EEFSEC: variants seen among roughly 807,000 people sequenced by gnomAD.
The protein encoded by EEFSEC is selenocysteine-specific elongation factor.
A neutral mutation model predicts 42.1 loss-of-function variants in EEFSEC; 43 were observed. The ratio of observed to expected loss-of-function variants is 1.02; its 90% CI spans 0.80 to 1.32. The LOEUF (loss-of-function observed/expected upper bound fraction) is 1.32, where lower values mean the gene tolerates loss of function less well. Ranked by LOEUF, EEFSEC falls within the 40% of genes most tolerant of loss-of-function variation. EEFSEC has a pLI of 0.00. For missense variants in EEFSEC, 745 were observed against 803.6 expected, an observed-to-expected ratio of 0.93 and a Z score of 0.88; for synonymous variants, 354 against 339.1, an observed-to-expected ratio of 1.04 and a Z score of -0.48.
At chr3:128,284,670 G>A (rs1020890276) in intron 4 of EEFSEC, among the ~76,000 whole-genome samples, 1 of 152,164 alleles carries the variant, frequency 6.6e-6, no homozygotes, top group Non-Finnish European at 1.5e-5. Context: ...CAAAGGGAAG[G>A]GTACAAAATC....
chr3:128,378,094 A>G (rs1313806923), intron 6 of EEFSEC, among the ~76,000 whole-genome samples: 2 of 152,212 alleles, frequency 1.3e-5, no homozygotes. Context: ...TCAGCCTCCT[A>G]CACTGGGGAC....
At chr3:128,376,221 C>T (rs2067708070) in intron 6 of EEFSEC, among the ~76,000 whole-genome samples, 1 of 152,204 alleles carries the variant, frequency 6.6e-6, no homozygotes. Context: ...CCTCTTGGCA[C>T]CAAGGATGCA....
chr3:128,158,264 G>C (rs1475989382), intron 1 of EEFSEC, among the ~76,000 whole-genome samples: 1 of 152,212 alleles, frequency 6.6e-6, no homozygotes, highest in African/African-American at 2.4e-5. Flanking sequence ...TACTCCTGGT[G>C]AAGATGCTGT....
chr3:128,293,779 T>TGG (rs1333480870), intron 4 of EEFSEC, among the ~76,000 whole-genome samples: 2 of 152,204 alleles, frequency 1.3e-5, no homozygotes, highest in Non-Finnish European at 2.9e-5. Flanking sequence ...CTTGTGACCT[T>TGG]GGGTGAATGA....
chr3:128,415,123 G>A, the EEFSEC span, among the ~76,000 whole-genome samples: 1 of 152,098 alleles, frequency 6.6e-6, no homozygotes, highest in African/African-American at 2.4e-5. Context: ...GGGGAATTTG[G>A]CTTGGAAAGC....
At position 128,408,483 on chromosome 3, in the gene EEFSEC, A is replaced by G; in HGVS notation, c.*224A>G. ...CAGCCCCTGCACACTCCCACCCAGG[A>G]CAGCCCCCAGCCCAACTAGGAAAGG... is the stretch of plus-strand genomic sequence containing the variant. On this transcript the variant is annotated 3_prime_UTR_variant, in exon 7 of 7. Transcript: ENST00000254730. The G allele has an allele frequency of 2.3e-6, 1 of 428,200 alleles. No individual in the cohort carries two copies. Among genetic ancestry groups the G allele is most frequent in the Non-Finnish European group, 4.1e-6 (1 of 246,082 alleles). 26.5% of individuals were successfully genotyped at this position (428,200 alleles called of 1,614,324 possible).
the EEFSEC span, among the ~76,000 whole-genome samples, chr3:128,423,182 G>A: frequency 6.6e-6 from 1 of 152,186 alleles, no homozygotes; most frequent in South Asian, 2.1e-4. Flanking sequence ...AACAGCTTGG[G>A]TGTTTCTTTA....
At chr3:128,412,249 C>T (rs2068179094), downstream of EEFSEC, among the ~76,000 whole-genome samples, 1 of 152,194 alleles carries the variant, frequency 6.6e-6, no homozygotes, top group Non-Finnish European at 1.5e-5. Flanking sequence ...CTCTATTCTA[C>T]AGGAAGCATA....
At chr3:128,211,434 T>C (rs760369125) in intron 1 of EEFSEC, among the ~76,000 whole-genome samples, 3 of 152,170 alleles carry the variant, frequency 2.0e-5, no homozygotes, top group South Asian at 2.1e-4. Flanking sequence ...AAGGCTGTTA[T>C]GAATATGAGG....
chr3:128,222,452 G>C (rs1156338707), intron 1 of EEFSEC, among the ~76,000 whole-genome samples: 1 of 152,130 alleles, frequency 6.6e-6, no homozygotes, highest in Non-Finnish European at 1.5e-5. Context: ...AACTATTTTG[G>C]CATTTTTTTC....
downstream of EEFSEC, among the ~76,000 whole-genome samples, chr3:128,410,639 G>A (rs1278627953): frequency 6.6e-6 from 1 of 152,188 alleles, no homozygotes; most frequent in African/African-American, 2.4e-5. Context: ...TAAAATGGAA[G>A]AAGAAAAGCA....
intron 6 of EEFSEC, chr3:128,362,169 T>C: frequency 2.0e-6 from 1 of 512,598 alleles, no homozygotes; most frequent in South Asian, 1.5e-5. Context: ...AAGCCGTCTG[T>C]CCCACCGCTG....
At position 128,408,053 on chromosome 3, in the gene EEFSEC, C is replaced by T. The variant is rs1444850740; in HGVS notation, c.1601-16C>T. The T allele has an allele frequency of 1.3e-6, 2 of 1,536,454 alleles. No individual in the cohort carries two copies. The highest frequency in any genetic ancestry group is 2.3e-5 in the East Asian group (1 of 42,928). On this transcript the variant is annotated splice_polypyrimidine_tract_variant and intron_variant, in intron 6 of 6. Coordinates refer to ENST00000254730, the MANE Select transcript of EEFSEC (RefSeq NM_021937.5). The stretch of plus-strand genomic sequence containing the variant: ...GGGGTACGGCAGAGTGACAGGCTCT[C>T]TTCTGTGCCTTGCAGGTGGCCTCAG...
chr3:128,153,984 C>T lies in EEFSEC; in HGVS notation c.316+161C>T, dbSNP rs1203254191. 3 of 1,062,776 alleles carry T rather than the reference C, an allele frequency of 2.8e-6. No individual in the cohort carries two copies. In the East Asian group the frequency reaches 9.6e-5, roughly 34 times the overall value. 65.8% of individuals were successfully genotyped at this position (1,062,776 alleles called of 1,614,324 possible). On this transcript the variant is annotated intron_variant, in intron 1 of 6. Transcript: ENST00000254730. ...AGGCGGACGTGACTTGCCTAGGGCT[C>T]CGCAGCAAGTGAGCGGAGGCTTTGA... is the stretch of plus-strand genomic sequence containing the variant.
At chr3:128,242,441 C>G (rs900825242) in intron 1 of EEFSEC, among the ~76,000 whole-genome samples, 1 of 151,720 alleles carries the variant, frequency 6.6e-6, no homozygotes, top group Non-Finnish European at 1.5e-5. Context: ...ATTTTTTTTT[C>G]TTTATTTTAA....
chr3:128,398,234 G>A (rs1055679639), intron 6 of EEFSEC, among the ~76,000 whole-genome samples: 8 of 152,198 alleles, frequency 5.3e-5, no homozygotes, highest in African/African-American at 1.4e-4. Flanking sequence ...CTGGGCAGGC[G>A]TCAGAGAAGG....
At chr3:128,331,234 A>C (rs866794575) in intron 4 of EEFSEC, among the ~76,000 whole-genome samples, 3 of 33,122 alleles carry the variant, frequency 9.1e-5, no homozygotes. Flanking sequence ...CCCCTTCCTC[A>C]GTGCATCTCC....
chr3:128,223,482 C>T (rs1400714719), intron 1 of EEFSEC, among the ~76,000 whole-genome samples: 1 of 152,198 alleles, frequency 6.6e-6, no homozygotes, highest in African/African-American at 2.4e-5. Flanking sequence ...TTGCTGGGGA[C>T]TGTACCCTTA....
intron 1 of EEFSEC, among the ~76,000 whole-genome samples, chr3:128,232,202 AG>A (rs2065965624): frequency 6.6e-6 from 1 of 152,168 alleles, no homozygotes; most frequent in Non-Finnish European, 1.5e-5. Context: ...AAAGTTGGGC[AG>A]GGGGTGGGGG....
Sources: allele counts gnomAD v4.1 joint callset (sites outside exome capture counted in the v4.1 genomes callset), GRCh38; gene constraint gnomAD v4.1.1; transcripts MANE v1.5; gene names NCBI Gene and HGNC (gene_info 2026-07-23, HGNC 2026-07-21).